Variants in SATL1 observed in about 807,000 individuals in gnomAD.
The protein encoded by SATL1 is spermidine/spermine N(1)-acetyltransferase-like protein 1.
A neutral mutation model predicts 51.8 loss-of-function variants in SATL1; 47 were observed. The ratio of observed to expected loss-of-function variants is 0.91; its 90% CI spans 0.72 to 1.16. The LOEUF (loss-of-function observed/expected upper bound fraction) is 1.16. SATL1 is among the 50% of genes most tolerant of loss of function. SATL1 has a pLI of 0.00. For missense variants in SATL1, 520 were observed against 526.4 expected, an observed-to-expected ratio of 0.99 and a Z score of 0.12; for synonymous variants, 176 against 182.4, an observed-to-expected ratio of 0.97 and a Z score of 0.28.
chrX:85,141,825 A>G lies in SATL1; in HGVS notation c.-312-32545T>C, dbSNP rs762216912. Among the ~76,000 whole-genome samples the G allele has an allele frequency of 1.5e-3, 162 of 109,350 alleles. 1 individual carries two copies. Among genetic ancestry groups the G allele is most frequent in the African/African-American group, 5.2e-3 (158 of 30,131 alleles). The allele number at this position is 109,350 out of a possible 115,157, so 95.0% of individuals were successfully genotyped here. A position where few individuals can be genotyped will look rare whatever the true frequency, so the allele number is the denominator to read the frequency against. ...TTAGATAAAGAATTAGAGTCTATCT[A>G]TGATTTATAACCTTTTGTATCTTAT... On this transcript the variant is annotated intron_variant, in intron 2 of 7. Coordinates refer to ENST00000644105, the MANE Select transcript of SATL1 (RefSeq NM_001367857.2).
intron 2 of SATL1, among the ~76,000 whole-genome samples, chrX:85,173,686 A>G (rs1728536530): frequency 1.8e-5 from 2 of 111,115 alleles, no homozygotes; most frequent in African/African-American, 3.3e-5. Context: ...ACGTTAAAAA[A>G]AAATTGTAAG....
At chrX:85,107,164 C>G (rs1372501364) in intron 3 of SATL1, among the ~76,000 whole-genome samples, 164 bp downstream of exon 3, 1 of 111,543 alleles carries the variant, frequency 9.0e-6, no homozygotes, top group Non-Finnish European at 1.9e-5. Flanking sequence ...TTGTTATAAT[C>G]TTGATTTTAG....
intron 2 of SATL1, among the ~76,000 whole-genome samples, chrX:85,128,615 G>A (rs1329954407): frequency 8.9e-6 from 1 of 112,038 alleles, no homozygotes; most frequent in African/African-American, 3.2e-5. Context: ...CACTCTGATG[G>A]TAGTTTCTTT....
intron 5 of SATL1, 144 bp downstream of exon 5, chrX:85,094,772 C>T (rs941056039): frequency 3.7e-5 from 16 of 432,598 alleles, no homozygotes; most frequent in Admixed American, 3.0e-4. Context: ...AACATAAGTA[C>T]ATACCATGCA....
intron 2 of SATL1, among the ~76,000 whole-genome samples, chrX:85,198,037 C>T (rs1927610857): frequency 9.0e-6 from 1 of 111,188 alleles, no homozygotes; most frequent in Non-Finnish European, 1.9e-5. Context: ...ACCATGAGTT[C>T]AAGTGTTTTA....
At chrX:85,123,320 T>C in intron 2 of SATL1, among the ~76,000 whole-genome samples, 1 of 111,000 alleles carries the variant, frequency 9.0e-6, no homozygotes, top group East Asian at 2.9e-4. Flanking sequence ...CTCACCAGTG[T>C]CTGTTATTTT....
chrX:85,187,822 T>C (rs1325246183), intron 2 of SATL1, among the ~76,000 whole-genome samples: 2 of 111,794 alleles, frequency 1.8e-5, no homozygotes, highest in Non-Finnish European at 3.8e-5. Flanking sequence ...GTATCAGAGT[T>C]ATGCTGGCCT....
chrX:85,104,967 ACTCT>A (rs1220011701), intron 3 of SATL1, among the ~76,000 whole-genome samples: 2 of 110,817 alleles, frequency 1.8e-5, no homozygotes, highest in Non-Finnish European at 3.8e-5. Flanking sequence ...GAACTTCTGG[ACTCT>A]CCATTCTGTC....
At chrX:85,193,668 T>C (rs1313256566) in intron 2 of SATL1, among the ~76,000 whole-genome samples, 1 of 111,736 alleles carries the variant, frequency 8.9e-6, no homozygotes, top group East Asian at 2.8e-4. Context: ...CTCTCTGTCC[T>C]CCCAGCCTCC....
chrX:85,106,219 T>C (rs1449570658), intron 3 of SATL1, among the ~76,000 whole-genome samples: 1 of 112,068 alleles, frequency 8.9e-6, no homozygotes, highest in Non-Finnish European at 1.9e-5. Flanking sequence ...AGTATTTTGA[T>C]AGGTTATCTA....
At chrX:85,185,766 C>T (rs1927301062) in intron 2 of SATL1, among the ~76,000 whole-genome samples, 1 of 110,857 alleles carries the variant, frequency 9.0e-6, no homozygotes, top group African/African-American at 3.3e-5. Context: ...AAATTCTATC[C>T]AGGAGCCAAG....
intron 2 of SATL1, among the ~76,000 whole-genome samples, chrX:85,137,006 G>C (rs769037829): frequency 9.0e-6 from 1 of 111,562 alleles, no homozygotes; most frequent in Admixed American, 9.6e-5. Context: ...CTGGGAAGGA[G>C]CCAACAGAAA....
At chrX:85,228,683 C>T (rs1421429148) in intron 1 of SATL1, among the ~76,000 whole-genome samples, 1 of 111,698 alleles carries the variant, frequency 9.0e-6, no homozygotes, top group African/African-American at 3.3e-5. Flanking sequence ...CAGTACATTC[C>T]ATGCAACTGG....
chrX:85,094,027 T>A, intron 6 of SATL1, 101 bp downstream of exon 6: 1 of 435,016 alleles, frequency 2.3e-6, no homozygotes, highest in East Asian at 3.9e-5. Flanking sequence ...ATAAGTTACA[T>A]TAACTAAAAC....
intron 2 of SATL1, among the ~76,000 whole-genome samples, chrX:85,166,132 T>A (rs1200983226): frequency 9.0e-6 from 1 of 111,519 alleles, no homozygotes; most frequent in Non-Finnish European, 1.9e-5. Context: ...CAACTCAAGA[T>A]GGATCAAAGA....
intron 4 of SATL1, among the ~76,000 whole-genome samples, chrX:85,099,092 T>G (rs1335287034): frequency 9.0e-6 from 1 of 111,580 alleles, no homozygotes; most frequent in Non-Finnish European, 1.9e-5. Flanking sequence ...AGGACATTAC[T>G]GCCAACACTA....
At chrX:85,098,858 T>G (rs752282706) in intron 4 of SATL1, among the ~76,000 whole-genome samples, 1 of 111,439 alleles carries the variant, frequency 9.0e-6, no homozygotes, top group Non-Finnish European at 1.9e-5. Flanking sequence ...AAAAATTATC[T>G]AAAACAATAA....
chrX:85,119,134 G>A (rs1925450394), intron 2 of SATL1, among the ~76,000 whole-genome samples: 1 of 110,930 alleles, frequency 9.0e-6, no homozygotes, highest in African/African-American at 3.3e-5. Context: ...AATGAGTTAG[G>A]CATAAGGACC....
chrX:85,127,303 T>C (rs1483149839), intron 2 of SATL1, among the ~76,000 whole-genome samples: 1 of 111,627 alleles, frequency 9.0e-6, no homozygotes, highest in Non-Finnish European at 1.9e-5. Flanking sequence ...ACCTCAAAGA[T>C]AACTTTGAGG....
Sources: allele counts gnomAD v4.1 joint callset (sites outside exome capture counted in the v4.1 genomes callset), GRCh38; gene constraint gnomAD v4.1.1; transcripts MANE v1.5; gene names NCBI Gene and HGNC (gene_info 2026-07-23, HGNC 2026-07-21).